SHISA9: variants seen among roughly 807,000 people sequenced by gnomAD.
SHISA9 encodes protein shisa-9.
Under a neutral mutation model 38.0 loss-of-function variants are expected in SHISA9, and 13 were observed. That is an observed-to-expected ratio of 0.34 (90% CI 0.22 to 0.54). The LOEUF is 0.54. SHISA9 is among the 20% of genes least tolerant of loss of function. The pLI is 0.91. For missense variants in SHISA9, 538 were observed against 575.8 expected, an observed-to-expected ratio of 0.93 and a Z score of 0.67; for synonymous variants, 275 against 242.0, an observed-to-expected ratio of 1.14 and a Z score of -1.27.
chr16:13,510,341 G>A, the SHISA9 span, among the ~76,000 whole-genome samples: 2 of 152,154 alleles, frequency 1.3e-5, no homozygotes, highest in African/African-American at 2.4e-5. Context: ...GGCTCATTCA[G>A]ATAAGCGAAG....
chr16:13,283,067 G>A, the SHISA9 span, among the ~76,000 whole-genome samples: 1 of 152,020 alleles, frequency 6.6e-6, no homozygotes, highest in Non-Finnish European at 1.5e-5. Flanking sequence ...TGGCTAGTGG[G>A]TTTTAATTGA....
chr16:12,985,032 A>G (rs1286668664), intron 2 of SHISA9, among the ~76,000 whole-genome samples: 3 of 151,136 alleles, frequency 2.0e-5, no homozygotes, highest in Admixed American at 2.0e-4. Context: ...CCCTGAACCC[A>G]CTCCCTCATT....
At chr16:13,412,258 T>C in the SHISA9 span, among the ~76,000 whole-genome samples, 2 of 152,114 alleles carry the variant, frequency 1.3e-5, 1 homozygote, top group East Asian at 3.8e-4. Context: ...TGCTAAAATA[T>C]TTGAGCCCTG....
At chr16:13,491,360 A>G in the SHISA9 span, among the ~76,000 whole-genome samples, 1 of 151,192 alleles carries the variant, frequency 6.6e-6, no homozygotes, top group Non-Finnish European at 1.5e-5. Context: ...ACCTCAAGGA[A>G]TAATTATTTA....
At chr16:13,541,762 G>C in the SHISA9 span, among the ~76,000 whole-genome samples, 1 of 152,198 alleles carries the variant, frequency 6.6e-6, no homozygotes, top group Non-Finnish European at 1.5e-5. Context: ...GTCCTCAAAA[G>C]AGTGAGTATG....
chr16:13,419,230 C>G, the SHISA9 span, among the ~76,000 whole-genome samples: 1 of 152,078 alleles, frequency 6.6e-6, no homozygotes, highest in Non-Finnish European at 1.5e-5. Flanking sequence ...ACCAGGGAGC[C>G]CTGAATAAAT....
chr16:13,512,634 C>A, the SHISA9 span, among the ~76,000 whole-genome samples: 67 of 152,272 alleles, frequency 4.4e-4, no homozygotes, highest in African/African-American at 1.6e-3. Context: ...GTAACCAAAA[C>A]AGGATGGTAC....
chr16:12,945,402 G>C (rs2071675593), intron 2 of SHISA9, among the ~76,000 whole-genome samples: 1 of 152,146 alleles, frequency 6.6e-6, no homozygotes, highest in Non-Finnish European at 1.5e-5. Context: ...TCCTGGAAGA[G>C]AGAACTCTGT....
At chr16:13,479,685 A>T in the SHISA9 span, among the ~76,000 whole-genome samples, 1 of 152,218 alleles carries the variant, frequency 6.6e-6, no homozygotes, top group Non-Finnish European at 1.5e-5. Context: ...TCACGGCTGC[A>T]TGAGGATGCG....
intron 2 of SHISA9, among the ~76,000 whole-genome samples, chr16:12,998,068 C>G (rs1420040578): frequency 2.0e-5 from 3 of 152,144 alleles, no homozygotes; most frequent in Non-Finnish European, 4.4e-5. Context: ...GGTACCTGTA[C>G]ATAAGACAAA....
At chr16:13,472,303 G>A in the SHISA9 span, among the ~76,000 whole-genome samples, 727 of 149,650 alleles carry the variant, frequency 4.9e-3, 3 homozygotes, top group African/African-American at 0.017. Context: ...CCCCTCATTT[G>A]GGGAATCCAA....
At chr16:13,326,906 T>G in the SHISA9 span, among the ~76,000 whole-genome samples, 1 of 152,166 alleles carries the variant, frequency 6.6e-6, no homozygotes, top group Non-Finnish European at 1.5e-5. Flanking sequence ...TCTCTGTGCC[T>G]TATTATCAGT....
chr16:12,964,907 T>C (rs1188142971), intron 2 of SHISA9, among the ~76,000 whole-genome samples: 1 of 152,192 alleles, frequency 6.6e-6, no homozygotes, highest in African/African-American at 2.4e-5. Context: ...AAAAGAGCAA[T>C]ATAATTAGTG....
intron 1 of SHISA9, chr16:12,908,555 G>T: frequency 6.4e-7 from 1 of 1,551,892 alleles, no homozygotes; most frequent in Admixed American, 2.0e-5. Flanking sequence ...AGAGTGGAGT[G>T]TCGGACTTCA....
At chr16:13,515,825 GA>G in the SHISA9 span, among the ~76,000 whole-genome samples, 1 of 152,134 alleles carries the variant, frequency 6.6e-6, no homozygotes, top group African/African-American at 2.4e-5. Context: ...AACAATTTGA[GA>G]AAAATCCAAG....
At chr16:13,063,001 CTTTTCTTTTT>C (rs1244369525) in intron 2 of SHISA9, among the ~76,000 whole-genome samples, 3 of 151,886 alleles carry the variant, frequency 2.0e-5, no homozygotes, top group Non-Finnish European at 4.4e-5. Flanking sequence ...ATCTCAGTTT[CTTTTCTTTTT>C]TTTTCTTTTT....
the SHISA9 span, among the ~76,000 whole-genome samples, chr16:13,471,754 G>T: frequency 6.6e-6 from 1 of 152,248 alleles, no homozygotes; most frequent in African/African-American, 2.4e-5. Flanking sequence ...GCAAAGCCTA[G>T]CCCACCGTGA....
the SHISA9 span, among the ~76,000 whole-genome samples, chr16:13,451,822 G>A: frequency 9.2e-5 from 14 of 152,238 alleles, no homozygotes; most frequent in Non-Finnish European, 2.1e-4. Flanking sequence ...AGTCGCCGAT[G>A]TGATTTAAAG....
intron 2 of SHISA9, among the ~76,000 whole-genome samples, chr16:13,173,409 C>T (rs71390326): frequency 0.13 from 19,412 of 151,018 alleles, 1,382 homozygotes; most frequent in Middle Eastern, 0.21. Context: ...CACACACACA[C>T]ATTTTCCTAA....
Sources: allele counts gnomAD v4.1 joint callset (sites outside exome capture counted in the v4.1 genomes callset), GRCh38; gene constraint gnomAD v4.1.1; transcripts MANE v1.5; gene names NCBI Gene and HGNC (gene_info 2026-07-23, HGNC 2026-07-21).